Variants in TP63 observed in about 807,000 individuals in gnomAD.
TP63 encodes the protein tumor protein 63.
A neutral mutation model predicts 82.8 loss-of-function variants in TP63; 17 were observed. That is an observed-to-expected ratio of 0.21 (90% CI 0.14 to 0.31). The LOEUF is 0.31. Ranked by LOEUF, TP63 falls within the 10% of genes least tolerant of loss-of-function variation. TP63 has a pLI of 1.00. For synonymous variants in TP63, 330 were observed against 321.7 expected, an observed-to-expected ratio of 1.03 and a Z score of -0.28; for missense variants, 648 against 895.3, an observed-to-expected ratio of 0.72 and a Z score of 3.52.
rs563589217 is a variant in TP63 at position 189,889,092 on chromosome 3, A to G, written c.1508-248A>G. Among the ~76,000 whole-genome samples the G allele has an allele frequency of 2.0e-5, 3 of 152,344 alleles. No homozygotes were observed. In the South Asian group the frequency reaches 6.2e-4, roughly 32 times the overall value. Reference sequence around the variant, plus strand: ...TTAGCAATTAGAGAATTAGAAGCAGAGAAAGGGGAGGAAAGAGATTGTTCT... The same window carrying G: ...TTAGCAATTAGAGAATTAGAAGCAGGGAAAGGGGAGGAAAGAGATTGTTCT... On this transcript the variant is annotated intron_variant, in intron 11 of 13. Coordinates refer to ENST00000264731, the MANE Select transcript of TP63 (RefSeq NM_003722.5).
At chr3:189,848,610 C>G (rs1241369165) in intron 4 of TP63, among the ~76,000 whole-genome samples, 2 of 152,090 alleles carry the variant, frequency 1.3e-5, no homozygotes, top group African/African-American at 2.4e-5. Flanking sequence ...AACATAGAAC[C>G]AAGCCCTTGC....
intron 4 of TP63, among the ~76,000 whole-genome samples, chr3:189,817,112 C>A (rs186607375): frequency 3.9e-5 from 6 of 152,038 alleles, no homozygotes; most frequent in African/African-American, 1.4e-4. Flanking sequence ...CTTTCAAGTT[C>A]ATTGATTAAA....
At chr3:189,784,314 G>A (rs897319037) in intron 3 of TP63, among the ~76,000 whole-genome samples, 1 of 152,054 alleles carries the variant, frequency 6.6e-6, no homozygotes, top group Non-Finnish European at 1.5e-5. Context: ...TAAATGAACT[G>A]TAGGACATAC....
intron 4 of TP63, among the ~76,000 whole-genome samples, chr3:189,838,640 C>T (rs1209517230): frequency 1.3e-5 from 2 of 152,016 alleles, no homozygotes; most frequent in African/African-American, 4.8e-5. Context: ...CCACACGGTA[C>T]CTAATTATCA....
chr3:189,771,652 T>C (rs1365246738), intron 3 of TP63, among the ~76,000 whole-genome samples: 1 of 151,614 alleles, frequency 6.6e-6, no homozygotes, highest in Non-Finnish European at 1.5e-5. Context: ...AGTTGAATAT[T>C]TGGGCACACG....
intron 1 of TP63, among the ~76,000 whole-genome samples, chr3:189,713,349 G>A (rs1054633023): frequency 1.3e-5 from 2 of 152,178 alleles, no homozygotes; most frequent in Admixed American, 6.5e-5. Flanking sequence ...CTACACATGA[G>A]CATCTGGTTT....
chr3:189,705,405 C>T (rs73892313), intron 1 of TP63, among the ~76,000 whole-genome samples: 5,794 of 152,062 alleles, frequency 0.038, 175 homozygotes, highest in African/African-American at 0.084. Context: ...TTCATTTCAA[C>T]GCTTTTCATT....
At chr3:189,604,140 C>A in the TP63 span, among the ~76,000 whole-genome samples, 15 of 152,272 alleles carry the variant, frequency 9.9e-5, no homozygotes, top group African/African-American at 3.6e-4. Flanking sequence ...GAGCCTGAAT[C>A]TTAGATCTGC....
chr3:189,665,868 T>G (rs1486060346), intron 1 of TP63, among the ~76,000 whole-genome samples: 1 of 152,078 alleles, frequency 6.6e-6, no homozygotes, highest in African/African-American at 2.4e-5. Flanking sequence ...TTTTTTAATT[T>G]TAAGCATAAC....
chr3:189,662,448 G>GT (rs1388613739), intron 1 of TP63, among the ~76,000 whole-genome samples: 12 of 151,510 alleles, frequency 7.9e-5, no homozygotes, highest in East Asian at 1.9e-4. Flanking sequence ...TATTATTTCA[G>GT]TTTTTTTTAA....
At chr3:189,838,234 CA>C (rs1214744444) in intron 4 of TP63, among the ~76,000 whole-genome samples, 1 of 152,100 alleles carries the variant, frequency 6.6e-6, no homozygotes, top group Non-Finnish European at 1.5e-5. Context: ...TGAGTGTCTT[CA>C]CCTGTTTCCT....
At chr3:189,750,276 G>C (rs1163788615) in intron 3 of TP63, among the ~76,000 whole-genome samples, 2 of 152,138 alleles carry the variant, frequency 1.3e-5, no homozygotes, top group African/African-American at 4.8e-5. Context: ...TTATCTCATG[G>C]AAGTAGAGAG....
At chr3:189,643,213 C>G (rs1271804185) in intron 1 of TP63, among the ~76,000 whole-genome samples, 10 of 152,060 alleles carry the variant, frequency 6.6e-5, no homozygotes, top group Non-Finnish European at 1.3e-4. Context: ...GTTGGCCAGG[C>G]TGGTCTCGAA....
the TP63 span, among the ~76,000 whole-genome samples, chr3:189,613,610 GACCCCAGAATGGTAGATTC>G: frequency 6.6e-6 from 1 of 152,146 alleles, no homozygotes; most frequent in Admixed American, 6.5e-5. Context: ...CAGTCCTCCA[GACCCCAGAATGGTAGATTC>G]ACTGACAGCT....
At chr3:189,659,502 C>A (rs1424994912) in intron 1 of TP63, among the ~76,000 whole-genome samples, 3 of 151,988 alleles carry the variant, frequency 2.0e-5, no homozygotes, top group Non-Finnish European at 2.9e-5. Flanking sequence ...TGTGCCTTTA[C>A]TGTTGTGAAG....
chr3:189,604,727 A>G, the TP63 span, among the ~76,000 whole-genome samples: 3 of 152,332 alleles, frequency 2.0e-5, no homozygotes, highest in Admixed American at 2.0e-4. Flanking sequence ...TAATGCAACT[A>G]TATCTTATTT....
chr3:189,687,478 C>T (rs1160408764), intron 1 of TP63, among the ~76,000 whole-genome samples: 1 of 152,184 alleles, frequency 6.6e-6, no homozygotes, highest in East Asian at 1.9e-4. Flanking sequence ...AGCCCTGCCT[C>T]AGTTGAAGTC....
chr3:189,636,327 A>T (rs1195121855), intron 1 of TP63, among the ~76,000 whole-genome samples: 1 of 152,156 alleles, frequency 6.6e-6, no homozygotes, highest in Non-Finnish European at 1.5e-5. Flanking sequence ...CTAAGTGATT[A>T]TGTGACCTTC....
chr3:189,885,761 G>A (rs1458707240), intron 10 of TP63, among the ~76,000 whole-genome samples: 1 of 152,048 alleles, frequency 6.6e-6, no homozygotes, highest in Non-Finnish European at 1.5e-5. Flanking sequence ...TAGTTATTTG[G>A]GCTTCAGCGT....
Sources: gnomAD v4.1 joint callset for allele counts (sites outside exome capture counted in the v4.1 genomes callset) on GRCh38, gnomAD v4.1.1 for gene constraint, MANE v1.5 for transcripts, NCBI Gene and HGNC (gene_info 2026-07-23, HGNC 2026-07-21) for gene names.